The following SLC14A2 variants were observed in gnomAD, a reference collection of about 807,000 sequenced individuals.
The protein encoded by SLC14A2 is urea transporter 2.
SLC14A2 carries 91 observed loss-of-function variants against 104.6 expected under a neutral mutation model. The ratio of observed to expected loss-of-function variants is 0.87; its 90% CI spans 0.73 to 1.04. SLC14A2 has a LOEUF of 1.04. Among genes scored for constraint, SLC14A2 ranks in the 50% least tolerant of loss-of-function variants. The probability of loss-of-function intolerance (pLI) is 0.00; values close to 1 mark genes in which losing one functional copy is unlikely to be tolerated. For synonymous variants in SLC14A2, 476 were observed against 466.4 expected, an observed-to-expected ratio of 1.02 and a Z score of -0.27; for missense variants, 1,189 against 1,156.0, an observed-to-expected ratio of 1.03 and a Z score of -0.41.
chr18:45,220,999 G>T (rs543395043), intron 1 of SLC14A2, among the ~76,000 whole-genome samples: 1 of 152,204 alleles, frequency 6.6e-6, no homozygotes, highest in South Asian at 2.1e-4. Flanking sequence ...AGTCATATTG[G>T]ATTAGGGACC....
chr18:45,662,164 G>GGGC (rs1341624505), intron 10 of SLC14A2, among the ~76,000 whole-genome samples: 2 of 152,170 alleles, frequency 1.3e-5, no homozygotes, highest in Non-Finnish European at 2.9e-5. Context: ...TTAGCCGGGT[G>GGGC]TGATGGTGGG....
chr18:45,210,804 G>A (rs2083955061), upstream of SLC14A2, among the ~76,000 whole-genome samples: 1 of 152,118 alleles, frequency 6.6e-6, no homozygotes, highest in Non-Finnish European at 1.5e-5. Context: ...CCAATGTATA[G>A]GGTTGTATTG....
chr18:45,220,660 G>A (rs1198213206), intron 1 of SLC14A2, among the ~76,000 whole-genome samples: 2 of 152,134 alleles, frequency 1.3e-5, no homozygotes, highest in East Asian at 1.9e-4. Flanking sequence ...TCCTGCACTC[G>A]TGCCCTTTAA....
At chr18:45,271,448 A>G (rs1200514339) in intron 1 of SLC14A2, among the ~76,000 whole-genome samples, 2 of 152,198 alleles carry the variant, frequency 1.3e-5, no homozygotes, top group African/African-American at 2.4e-5. Flanking sequence ...CATTATGCAA[A>G]AGAAGATAGC....
At chr18:45,513,080 C>A (rs2043389920) in intron 2 of SLC14A2, among the ~76,000 whole-genome samples, 1 of 152,186 alleles carries the variant, frequency 6.6e-6, no homozygotes, top group Admixed American at 6.5e-5. Context: ...TGCACCACAG[C>A]CTCAGTGAAG....
chr18:45,338,260 T>C (rs1728682508), intron 1 of SLC14A2, among the ~76,000 whole-genome samples: 1 of 152,014 alleles, frequency 6.6e-6, no homozygotes, highest in Non-Finnish European at 1.5e-5. Flanking sequence ...GAGTGCAGTG[T>C]CGTGATCTTG....
intron 1 of SLC14A2, among the ~76,000 whole-genome samples, chr18:45,369,813 G>T (rs2085703535): frequency 6.6e-6 from 1 of 152,194 alleles, no homozygotes. Flanking sequence ...ACTCTTTGGT[G>T]AGATTACAGT....
At chr18:45,403,881 G>A (rs1413355221) in intron 1 of SLC14A2, among the ~76,000 whole-genome samples, 1 of 152,152 alleles carries the variant, frequency 6.6e-6, no homozygotes, top group Non-Finnish European at 1.5e-5. Flanking sequence ...TAAAGGACAA[G>A]CACTTCTGTG....
intron 1 of SLC14A2, among the ~76,000 whole-genome samples, chr18:45,231,050 G>C (rs1189796323): frequency 6.6e-6 from 1 of 152,076 alleles, no homozygotes; most frequent in Non-Finnish European, 1.5e-5. Flanking sequence ...CCAGCCTCCT[G>C]GAAATGTCAA....
At chr18:45,304,130 C>A (rs1387806626) in intron 1 of SLC14A2, among the ~76,000 whole-genome samples, 1 of 152,156 alleles carries the variant, frequency 6.6e-6, no homozygotes, top group East Asian at 1.9e-4. Flanking sequence ...ACCAAGGAGC[C>A]ATTGCAAGGG....
chr18:45,331,923 G>C (rs2085294995), intron 1 of SLC14A2, among the ~76,000 whole-genome samples: 1 of 152,110 alleles, frequency 6.6e-6, no homozygotes, highest in Non-Finnish European at 1.5e-5. Context: ...TGGAGTTCAG[G>C]CCATATTTGA....
intron 1 of SLC14A2, among the ~76,000 whole-genome samples, chr18:45,403,786 A>G (rs12956091): frequency 0.05 from 1,508 of 30,174 alleles, 17 homozygotes; most frequent in African/African-American, 0.076. Flanking sequence ...ATGAATGAAT[A>G]AATGAGTGGA....
intron 1 of SLC14A2, among the ~76,000 whole-genome samples, chr18:45,435,633 T>G (rs1441380813): frequency 1.3e-5 from 2 of 152,114 alleles, no homozygotes; most frequent in East Asian, 1.9e-4. Context: ...AGCTGAAGAG[T>G]TTGCCTTTGG....
chr18:45,563,266 A>C (rs774749204), intron 2 of SLC14A2, among the ~76,000 whole-genome samples: 3 of 152,186 alleles, frequency 2.0e-5, no homozygotes, highest in Admixed American at 6.5e-5. Flanking sequence ...CCCCGCCCTC[A>C]TGGCCAAAGT....
At chr18:45,593,883 TATACA>T (rs1400067788) in intron 2 of SLC14A2, among the ~76,000 whole-genome samples, 2 of 152,270 alleles carry the variant, frequency 1.3e-5, no homozygotes, top group East Asian at 1.9e-4. Flanking sequence ...AAGTAAAAAA[TATACA>T]ATACAACTCT....
chr18:45,429,976 C>A (rs1481873773), intron 1 of SLC14A2, among the ~76,000 whole-genome samples: 1 of 152,166 alleles, frequency 6.6e-6, no homozygotes, highest in African/African-American at 2.4e-5. Flanking sequence ...CAATAATATG[C>A]CCTAACTGAC....
chr18:45,334,982 G>T (rs1402366157), intron 1 of SLC14A2, among the ~76,000 whole-genome samples: 1 of 152,190 alleles, frequency 6.6e-6, no homozygotes, highest in South Asian at 2.1e-4. Context: ...TTTGGTGAAT[G>T]AGTGTGCAGT....
intron 4 of SLC14A2, 110 bp downstream of exon 4, chr18:45,627,257 G>A: frequency 1.1e-6 from 1 of 925,106 alleles, no homozygotes; most frequent in Non-Finnish European, 1.7e-6. Flanking sequence ...AAAGTCTCCT[G>A]AGTATCAACT....
intron 1 of SLC14A2, among the ~76,000 whole-genome samples, chr18:45,390,540 TAAAC>T (rs2085948882): frequency 6.6e-6 from 1 of 152,170 alleles, no homozygotes; most frequent in Non-Finnish European, 1.5e-5. Context: ...GTTCTGCTAG[TAAAC>T]AGAGACACAA....
Sources: gnomAD v4.1 joint callset for allele counts (sites outside exome capture counted in the v4.1 genomes callset) on GRCh38, gnomAD v4.1.1 for gene constraint, MANE v1.5 for transcripts, NCBI Gene and HGNC (gene_info 2026-07-23, HGNC 2026-07-21) for gene names.